Variants in FSTL4 observed in about 807,000 individuals in gnomAD.
The protein encoded by FSTL4 is follistatin like 4, also known as follistatin-related protein 4.
FSTL4 carries 28 observed loss-of-function variants against 78.2 expected under a neutral mutation model. The observed-to-expected ratio is 0.36, with a 90% CI of 0.27 to 0.49. FSTL4 has a LOEUF of 0.49. Ranked by LOEUF, FSTL4 falls within the 20% of genes least tolerant of loss-of-function variation. The pLI is 0.98. For synonymous variants in FSTL4, 422 were observed against 440.5 expected (o/e 0.96, Z 0.53); for missense variants, 922 against 1,084.9 (o/e 0.85, Z 2.11).
At chr5:133,306,412 G>C (rs1157466042) in intron 6 of FSTL4, among the ~76,000 whole-genome samples, 1 of 152,236 alleles carries the variant, frequency 6.6e-6, no homozygotes, top group Admixed American at 6.5e-5. Flanking sequence ...GCCAGTTAGC[G>C]GCCCTCTGGT....
intron 3 of FSTL4, among the ~76,000 whole-genome samples, chr5:133,507,813 G>A (rs887020932): frequency 4.6e-5 from 7 of 151,678 alleles, no homozygotes; most frequent in East Asian, 1.9e-4. Flanking sequence ...GAGCCACTGC[G>A]CCTGGCTGAA....
chr5:133,625,792 T>TATATATTCC, the FSTL4 span, among the ~76,000 whole-genome samples: 55 of 42,014 alleles, frequency 1.3e-3, no homozygotes, highest in East Asian at 1.7e-3. Flanking sequence ...ATTCCATATA[T>TATATATTCC]ATATATATTC....
chr5:133,684,645 T>C, the FSTL4 span, among the ~76,000 whole-genome samples: 1 of 152,146 alleles, frequency 6.6e-6, no homozygotes. Context: ...CAGGGACTCA[T>C]CATTGAGATA....
At chr5:133,255,827 G>A (rs1752367017) in intron 6 of FSTL4, among the ~76,000 whole-genome samples, 1 of 152,200 alleles carries the variant, frequency 6.6e-6, no homozygotes, top group African/African-American at 2.4e-5. Flanking sequence ...CATTTCAGTT[G>A]TTGGAGAACT....
chr5:133,400,300 C>T (rs1756187605), intron 4 of FSTL4, among the ~76,000 whole-genome samples: 1 of 152,212 alleles, frequency 6.6e-6, no homozygotes, highest in South Asian at 2.1e-4. Flanking sequence ...AGTTTGTGTC[C>T]TTGTCACGCT....
At chr5:133,663,630 C>G in the FSTL4 span, among the ~76,000 whole-genome samples, 29,733 of 152,162 alleles carry the variant, frequency 0.2, 3,011 homozygotes, top group Middle Eastern at 0.41. Context: ...TGCCTTTCTG[C>G]TAGAGTTGAA....
the FSTL4 span, among the ~76,000 whole-genome samples, chr5:133,630,589 A>G: frequency 6.6e-6 from 1 of 152,226 alleles, no homozygotes; most frequent in Non-Finnish European, 1.5e-5. Context: ...TATAGATTCA[A>G]TGCTATTCCC....
In FSTL4 at chr5:133,593,436, T is replaced by G. The variant is rs560526965; in HGVS notation, c.126+10422A>C. Among the ~76,000 whole-genome samples the G allele has an allele frequency of 2.6e-5, 4 of 152,098 alleles. No individual in the cohort carries two copies. The East Asian group carries it at 7.8e-4, about 30-fold the overall frequency. On this transcript the variant is annotated intron_variant, in intron 2 of 15. Transcript: ENST00000265342. ...GAAGGACGGTAAAGGAGGGGGCTGG[T>G]GGAGGTTCTGGACACCAGAGGGCTG...
chr5:133,469,633 C>T (rs1255180317), intron 3 of FSTL4, among the ~76,000 whole-genome samples: 1 of 152,168 alleles, frequency 6.6e-6, no homozygotes, highest in Non-Finnish European at 1.5e-5. Flanking sequence ...TTCAAAATGA[C>T]AGGGTAGGTA....
intron 3 of FSTL4, among the ~76,000 whole-genome samples, chr5:133,551,901 T>C (rs1013283877): frequency 3.3e-5 from 5 of 152,230 alleles, no homozygotes; most frequent in Admixed American, 6.5e-5. Context: ...ATAACTTACA[T>C]AGAGAGGCAC....
the FSTL4 span, among the ~76,000 whole-genome samples, chr5:133,731,874 A>G: frequency 1.3e-5 from 2 of 152,146 alleles, no homozygotes; most frequent in East Asian, 3.9e-4. Flanking sequence ...TTTTCTAATT[A>G]TCTCTAAAAT....
chr5:133,336,886 T>C (rs1278201920), intron 4 of FSTL4, among the ~76,000 whole-genome samples: 1 of 152,166 alleles, frequency 6.6e-6, no homozygotes, highest in African/African-American at 2.4e-5. Flanking sequence ...GACCACACTG[T>C]GTACCCCGGG....
intron 3 of FSTL4, among the ~76,000 whole-genome samples, chr5:133,452,310 C>G (rs922515285): frequency 6.6e-6 from 1 of 152,258 alleles, no homozygotes; most frequent in Non-Finnish European, 1.5e-5. Flanking sequence ...GCTCATATCT[C>G]TCAAGTACCA....
chr5:133,756,638 G>T, the FSTL4 span, among the ~76,000 whole-genome samples: 3 of 152,144 alleles, frequency 2.0e-5, no homozygotes, highest in Non-Finnish European at 2.9e-5. Flanking sequence ...CCCACTGAGT[G>T]CACCTGGCCC....
intron 4 of FSTL4, among the ~76,000 whole-genome samples, chr5:133,386,575 T>C (rs1011170614): frequency 1.3e-5 from 2 of 152,224 alleles, no homozygotes; most frequent in Non-Finnish European, 2.9e-5. Context: ...TTGTTTACCC[T>C]GAGAACCACA....
the FSTL4 span, among the ~76,000 whole-genome samples, chr5:133,690,728 CT>C: frequency 3.6e-3 from 550 of 152,318 alleles, 3 homozygotes; most frequent in African/African-American, 0.013. Context: ...CATATACAAC[CT>C]AAAATCTTTT....
intron 4 of FSTL4, among the ~76,000 whole-genome samples, chr5:133,373,167 A>G (rs544728828): frequency 1.1e-4 from 16 of 152,254 alleles, no homozygotes; most frequent in African/African-American, 3.9e-4. Flanking sequence ...TGTCTAAATC[A>G]CCTATTTGGT....
chr5:133,677,814 C>T, the FSTL4 span, among the ~76,000 whole-genome samples: 1 of 152,074 alleles, frequency 6.6e-6, no homozygotes, highest in African/African-American at 2.4e-5. Flanking sequence ...TATTTATGGA[C>T]AAATAACTAC....
intron 3 of FSTL4, among the ~76,000 whole-genome samples, chr5:133,542,683 AT>A (rs911054673): frequency 1.3e-5 from 2 of 151,470 alleles, no homozygotes; most frequent in African/African-American, 2.4e-5. Flanking sequence ...GTTTGGACAA[AT>A]TTTTTTTTCA....
Sources: allele counts gnomAD v4.1 joint callset (sites outside exome capture counted in the v4.1 genomes callset), GRCh38; gene constraint gnomAD v4.1.1; transcripts MANE v1.5; gene names NCBI Gene and HGNC (gene_info 2026-07-23, HGNC 2026-07-21).